Variants in RBMS3 observed in about 807,000 individuals in gnomAD.
RBMS3 encodes RNA binding motif single stranded interacting protein 3.
In RBMS3, 27 loss-of-function variants were observed where a neutral mutation model predicts 66.8. The ratio of observed to expected loss-of-function variants is 0.40; its 90% CI spans 0.30 to 0.56. The LOEUF is 0.56. Ranked by LOEUF, RBMS3 falls within the 20% of genes least tolerant of loss-of-function variation. RBMS3 has a pLI of 0.40. For missense variants in RBMS3, 513 were observed against 549.5 expected (o/e 0.93, Z 0.66); for synonymous variants, 188 against 183.0 (o/e 1.03, Z -0.22).
At chr3:29,973,707 A>G (rs368681464) in intron 12 of RBMS3, among the ~76,000 whole-genome samples, 1 of 151,876 alleles carries the variant, frequency 6.6e-6, no homozygotes, top group South Asian at 2.1e-4. Context: ...TCTCTATTCT[A>G]TCCTAGAATT....
chr3:29,960,804 G>A (rs760242207), intron 12 of RBMS3, among the ~76,000 whole-genome samples: 19 of 152,140 alleles, frequency 1.2e-4, no homozygotes, highest in Non-Finnish European at 1.9e-4. Flanking sequence ...TCTAGCCATG[G>A]CTGGAGCAGC....
chr3:29,700,427 C>G (rs2052509888), intron 4 of RBMS3, among the ~76,000 whole-genome samples: 1 of 152,148 alleles, frequency 6.6e-6, no homozygotes, highest in South Asian at 2.1e-4. Flanking sequence ...CAGAATTTTC[C>G]TGGAATACAT....
chr3:29,639,114 G>GA (rs771260039), intron 4 of RBMS3, among the ~76,000 whole-genome samples: 8 of 151,736 alleles, frequency 5.3e-5, no homozygotes, highest in Non-Finnish European at 1.0e-4. Flanking sequence ...CAATTTGAGG[G>GA]AAGAGGCCTG....
chr3:29,463,756 A>G (rs1314400222), intron 2 of RBMS3, among the ~76,000 whole-genome samples: 2 of 152,110 alleles, frequency 1.3e-5, no homozygotes, highest in South Asian at 2.1e-4. Flanking sequence ...TCATTACTTA[A>G]AAATACACTA....
chr3:29,930,030 C>A (rs2061066950), intron 10 of RBMS3, among the ~76,000 whole-genome samples: 1 of 150,784 alleles, frequency 6.6e-6, no homozygotes, highest in African/African-American at 2.4e-5. Flanking sequence ...TAACCATAAT[C>A]TTGCCATAGA....
intron 4 of RBMS3, among the ~76,000 whole-genome samples, chr3:29,633,307 T>A (rs1576404043): frequency 6.6e-6 from 1 of 151,910 alleles, no homozygotes; most frequent in Admixed American, 6.6e-5. Context: ...TTTGGTTTTG[T>A]TTTATGATTC....
chr3:29,759,928 T>G (rs184376692), intron 5 of RBMS3, among the ~76,000 whole-genome samples: 217 of 152,164 alleles, frequency 1.4e-3, no homozygotes, highest in Admixed American at 5.4e-3. Flanking sequence ...CGCCGGCAGC[T>G]ACAGAAAACA....
intron 2 of RBMS3, among the ~76,000 whole-genome samples, chr3:29,482,434 C>A (rs529960450): frequency 6.6e-6 from 1 of 152,254 alleles, no homozygotes; most frequent in South Asian, 2.1e-4. Context: ...AGTTACTAAT[C>A]ATTATCTGCT....
chr3:29,388,246 C>A (rs4389439), intron 1 of RBMS3, among the ~76,000 whole-genome samples: 1 of 152,044 alleles, frequency 6.6e-6, no homozygotes, highest in Admixed American at 6.6e-5. Flanking sequence ...GAGAAATAAG[C>A]GGTTTGCTTG....
intron 5 of RBMS3, among the ~76,000 whole-genome samples, chr3:29,752,389 G>A (rs2055221894): frequency 6.6e-6 from 1 of 152,070 alleles, no homozygotes; most frequent in Non-Finnish European, 1.5e-5. Context: ...CATTTGGGTG[G>A]GAAAACAGGG....
chr3:29,414,288 A>G (rs904679525), intron 1 of RBMS3, among the ~76,000 whole-genome samples: 5 of 152,250 alleles, frequency 3.3e-5, no homozygotes, highest in African/African-American at 9.6e-5. Flanking sequence ...TGGAAAATAT[A>G]TCTATCCCAT....
chr3:29,591,196 A>G (rs17023856), intron 4 of RBMS3, among the ~76,000 whole-genome samples: 22,792 of 152,206 alleles, frequency 0.15, 1,969 homozygotes, highest in East Asian at 0.32. Flanking sequence ...GGTGACATGC[A>G]TACATACATT....
chr3:29,314,661 T>C (rs886867663), intron 1 of RBMS3, among the ~76,000 whole-genome samples: 4 of 151,664 alleles, frequency 2.6e-5, no homozygotes, highest in Admixed American at 6.6e-5. Context: ...GAACCAGATA[T>C]GGTGTGCACA....
intron 10 of RBMS3, among the ~76,000 whole-genome samples, chr3:29,908,538 A>G (rs1241736929): frequency 6.6e-6 from 1 of 152,098 alleles, no homozygotes; most frequent in African/African-American, 2.4e-5. Flanking sequence ...TTGTAAATCA[A>G]TAATTTGTAA....
At chr3:29,369,143 C>T (rs115188445) in intron 1 of RBMS3, among the ~76,000 whole-genome samples, 6 of 151,780 alleles carry the variant, frequency 4.0e-5, no homozygotes, top group Admixed American at 2.0e-4. Context: ...GGGGAACAGC[C>T]GGCACCGGGG....
chr3:29,839,976 T>G (rs2149501219), intron 6 of RBMS3, among the ~76,000 whole-genome samples: 1 of 152,210 alleles, frequency 6.6e-6, no homozygotes, highest in South Asian at 2.1e-4. Context: ...TGAATATACT[T>G]TGAAGATTAT....
At chr3:29,808,788 A>G (rs1165023806) in intron 6 of RBMS3, among the ~76,000 whole-genome samples, 1 of 151,932 alleles carries the variant, frequency 6.6e-6, no homozygotes, top group African/African-American at 2.4e-5. Flanking sequence ...AGACAAAAGA[A>G]TAGGAAAAGC....
intron 3 of RBMS3, among the ~76,000 whole-genome samples, chr3:29,556,697 C>T (rs1268850737): frequency 6.6e-6 from 1 of 152,206 alleles, no homozygotes; most frequent in Non-Finnish European, 1.5e-5. Flanking sequence ...TTTAGGTCTT[C>T]TGTGAGCCCC....
chr3:29,886,925 G>T (rs1039204138), intron 8 of RBMS3, among the ~76,000 whole-genome samples: 4 of 151,728 alleles, frequency 2.6e-5, no homozygotes, highest in Non-Finnish European at 5.9e-5. Flanking sequence ...TAAGCAAGTG[G>T]CCATCAAAGA....
Sources: allele counts gnomAD v4.1 joint callset (sites outside exome capture counted in the v4.1 genomes callset), GRCh38; gene constraint gnomAD v4.1.1; transcripts MANE v1.5; gene names NCBI Gene and HGNC (gene_info 2026-07-23, HGNC 2026-07-21).